SGCZ: variants seen among roughly 807,000 people sequenced by gnomAD.
SGCZ encodes the protein sarcoglycan zeta.
Under a neutral mutation model 41.3 loss-of-function variants are expected in SGCZ, and 40 were observed. The ratio of observed to expected loss-of-function variants is 0.97; its 90% CI spans 0.75 to 1.26. The LOEUF (loss-of-function observed/expected upper bound fraction) is 1.26. SGCZ is among the 50% of genes most tolerant of loss of function. The pLI, the probability that SGCZ is intolerant of heterozygous loss-of-function variation, is 0.00. For synonymous variants in SGCZ, 206 were observed against 137.5 expected (o/e 1.50, Z -3.49); for missense variants, 552 against 369.8 (o/e 1.49, Z -4.04).
chr8:14,151,250 C>T (rs1002202558), intron 5 of SGCZ, among the ~76,000 whole-genome samples: 4 of 152,044 alleles, frequency 2.6e-5, no homozygotes, highest in African/African-American at 9.7e-5. Flanking sequence ...AATTATTTCA[C>T]ATTGCATTCT....
chr8:14,114,692 C>G (rs1802471454), intron 5 of SGCZ, among the ~76,000 whole-genome samples: 1 of 151,880 alleles, frequency 6.6e-6, no homozygotes, highest in South Asian at 2.1e-4. Context: ...CTATTTTCTT[C>G]AAAATTAAGT....
At chr8:14,372,657 G>C (rs180787830) in intron 2 of SGCZ, among the ~76,000 whole-genome samples, 1 of 152,134 alleles carries the variant, frequency 6.6e-6, no homozygotes, top group South Asian at 2.1e-4. Context: ...AAGAGGGCAA[G>C]GGAGTGACTC....
chr8:14,156,327 G>A (rs1803875050), intron 5 of SGCZ, among the ~76,000 whole-genome samples: 1 of 152,100 alleles, frequency 6.6e-6, no homozygotes, highest in Non-Finnish European at 1.5e-5. Flanking sequence ...GGGCGTGGTG[G>A]TGGTCGCCTT....
intron 1 of SGCZ, among the ~76,000 whole-genome samples, chr8:15,153,096 T>A (rs187139259): frequency 2.0e-5 from 3 of 152,210 alleles, no homozygotes; most frequent in South Asian, 2.1e-4. Flanking sequence ...GAAAATCATT[T>A]GAGAGACTAC....
At chr8:14,296,146 G>C (rs1177140953) in intron 3 of SGCZ, among the ~76,000 whole-genome samples, 1 of 152,046 alleles carries the variant, frequency 6.6e-6, no homozygotes, top group Non-Finnish European at 1.5e-5. Context: ...TTCAAACTAA[G>C]ACTCAACAAG....
chr8:14,806,670 C>T (rs1203075204), intron 1 of SGCZ, among the ~76,000 whole-genome samples: 1 of 152,112 alleles, frequency 6.6e-6, no homozygotes, highest in African/African-American at 2.4e-5. Context: ...GAACTGGTAC[C>T]ATTCCTTCTG....
At chr8:14,415,659 A>T (rs894819009) in intron 2 of SGCZ, among the ~76,000 whole-genome samples, 1 of 151,982 alleles carries the variant, frequency 6.6e-6, no homozygotes, top group African/African-American at 2.4e-5. Flanking sequence ...ACTCCTTAAG[A>T]AAAAAGTGAA....
chr8:14,919,790 C>G (rs567960080), intron 1 of SGCZ, among the ~76,000 whole-genome samples: 2 of 151,796 alleles, frequency 1.3e-5, no homozygotes, highest in Non-Finnish European at 2.9e-5. Flanking sequence ...TGGTGGTGCA[C>G]GCTTGTAATC....
intron 2 of SGCZ, among the ~76,000 whole-genome samples, chr8:14,513,991 C>T (rs1802538636): frequency 6.6e-6 from 1 of 152,030 alleles, no homozygotes; most frequent in African/African-American, 2.4e-5. Context: ...GATATATTTG[C>T]AATATTTCAG....
intron 1 of SGCZ, among the ~76,000 whole-genome samples, chr8:14,640,851 G>T (rs1233347589): frequency 6.6e-6 from 1 of 151,532 alleles, no homozygotes; most frequent in Non-Finnish European, 1.5e-5. Context: ...TGAATACTCT[G>T]GGTATGAGAC....
At chr8:14,595,634 C>T (rs1180898381) in intron 1 of SGCZ, among the ~76,000 whole-genome samples, 1 of 152,124 alleles carries the variant, frequency 6.6e-6, no homozygotes, top group African/African-American at 2.4e-5. Flanking sequence ...ATCTCCCTTC[C>T]CTCCTTTTAT....
At chr8:14,714,000 A>T (rs966356472) in intron 1 of SGCZ, among the ~76,000 whole-genome samples, 2 of 151,986 alleles carry the variant, frequency 1.3e-5, no homozygotes, top group Non-Finnish European at 2.9e-5. Flanking sequence ...ATGGAGTCTC[A>T]CTCTGTACCC....
At chr8:14,938,350 C>T (rs541148457) in intron 1 of SGCZ, among the ~76,000 whole-genome samples, 4 of 152,100 alleles carry the variant, frequency 2.6e-5, no homozygotes, top group Non-Finnish European at 5.9e-5. Context: ...ACCTCTGCCG[C>T]TCCTGAGATG....
intron 1 of SGCZ, among the ~76,000 whole-genome samples, chr8:14,838,239 A>G (rs955510708): frequency 6.6e-6 from 1 of 152,104 alleles, no homozygotes; most frequent in African/African-American, 2.4e-5. Flanking sequence ...AATAGGGGCT[A>G]GTGTTCAGTA....
chr8:14,997,082 T>A (rs141552822), intron 1 of SGCZ, among the ~76,000 whole-genome samples: 28 of 152,342 alleles, frequency 1.8e-4, no homozygotes, highest in South Asian at 1.0e-3. Context: ...AATCAATTTC[T>A]CCTTAAATTT....
intron 1 of SGCZ, among the ~76,000 whole-genome samples, chr8:14,973,212 C>G (rs1801356463): frequency 6.6e-6 from 1 of 152,246 alleles, no homozygotes; most frequent in East Asian, 1.9e-4. Flanking sequence ...GAATATCTTT[C>G]TCAAAAACCC....
At chr8:14,789,249 G>A (rs556839357) in intron 1 of SGCZ, among the ~76,000 whole-genome samples, 1 of 152,144 alleles carries the variant, frequency 6.6e-6, no homozygotes, top group East Asian at 1.9e-4. Flanking sequence ...AATATACCAT[G>A]AAAAAATGTA....
At chr8:14,794,134 A>C (rs1801047134) in intron 1 of SGCZ, among the ~76,000 whole-genome samples, 1 of 152,150 alleles carries the variant, frequency 6.6e-6, no homozygotes, top group South Asian at 2.1e-4. Flanking sequence ...AACTCCTATA[A>C]TTTGAGCTTT....
intron 1 of SGCZ, among the ~76,000 whole-genome samples, chr8:14,757,387 A>G (rs2130341441): frequency 6.6e-6 from 1 of 152,278 alleles, no homozygotes; most frequent in African/African-American, 2.4e-5. Context: ...CTCTAGCCAG[A>G]CGCTGCCACC....
Sources: allele counts gnomAD v4.1 joint callset (sites outside exome capture counted in the v4.1 genomes callset), GRCh38; gene constraint gnomAD v4.1.1; transcripts MANE v1.5; gene names NCBI Gene and HGNC (gene_info 2026-07-23, HGNC 2026-07-21).